The following EDNRB variants were observed in gnomAD, a reference collection of about 807,000 sequenced individuals.
EDNRB encodes the protein endothelin receptor type B.
EDNRB carries 18 observed loss-of-function variants against 46.4 expected under a neutral mutation model. The ratio of observed to expected loss-of-function variants is 0.39; its 90% CI spans 0.27 to 0.57. EDNRB has a LOEUF of 0.57. Among genes scored for constraint, EDNRB ranks in the 20% least tolerant of loss-of-function variants. The pLI, the probability that EDNRB is intolerant of heterozygous loss-of-function variation, is 0.61. For missense variants in EDNRB, 434 were observed against 537.5 expected (o/e 0.81, Z 1.90); for synonymous variants, 213 against 204.9 (o/e 1.04, Z -0.34).
intron 1 of EDNRB, among the ~76,000 whole-genome samples, chr13:77,970,544 C>T (rs1468271392): frequency 6.6e-6 from 1 of 151,912 alleles, no homozygotes; most frequent in Non-Finnish European, 1.5e-5. Flanking sequence ...AGTAGCAGGC[C>T]TATAATATTG....
At chr13:77,969,124 T>C (rs1263798378) in intron 1 of EDNRB, among the ~76,000 whole-genome samples, 2 of 152,332 alleles carry the variant, frequency 1.3e-5, no homozygotes, top group East Asian at 1.9e-4. Flanking sequence ...CTATTAGTTA[T>C]ATAGCAATAA....
intron 1 of EDNRB, among the ~76,000 whole-genome samples, chr13:77,906,040 G>C (rs1159970849): frequency 1.3e-5 from 2 of 151,968 alleles, no homozygotes; most frequent in Non-Finnish European, 2.9e-5. Flanking sequence ...ATGAGAACTA[G>C]TGGTGAGCTG....
At chr13:77,945,663 A>G (rs1222027034) in intron 1 of EDNRB, among the ~76,000 whole-genome samples, 2 of 152,122 alleles carry the variant, frequency 1.3e-5, no homozygotes, top group Non-Finnish European at 2.9e-5. Context: ...AATTGTACTT[A>G]CGGAAGGCTT....
At chr13:77,924,606 T>C (rs972812139), upstream of EDNRB, among the ~76,000 whole-genome samples, 26 of 152,256 alleles carry the variant, frequency 1.7e-4, no homozygotes, top group Middle Eastern at 3.2e-3. Flanking sequence ...TTGTGTTAAA[T>C]ACATCTATAT....
At chr13:77,974,017 C>T (rs527708890) in intron 1 of EDNRB, among the ~76,000 whole-genome samples, 3 of 151,530 alleles carry the variant, frequency 2.0e-5, no homozygotes, top group South Asian at 2.1e-4. Context: ...TGTCTAAGGC[C>T]GCAAGAATAG....
At chr13:77,974,045 G>A (rs1370772717) in intron 1 of EDNRB, among the ~76,000 whole-genome samples, 1 of 151,004 alleles carries the variant, frequency 6.6e-6, no homozygotes, top group Non-Finnish European at 1.5e-5. Context: ...TATAAAACAT[G>A]TTACACTGTT....
At chr13:77,898,776 A>G (rs1878773691) in intron 6 of EDNRB, among the ~76,000 whole-genome samples, 1 of 151,954 alleles carries the variant, frequency 6.6e-6, no homozygotes, top group Admixed American at 6.6e-5. Context: ...ATAACCTTGT[A>G]GATACTTTCA....
chr13:77,950,145 G>A (rs79858732), intron 1 of EDNRB, among the ~76,000 whole-genome samples: 141 of 152,246 alleles, frequency 9.3e-4, no homozygotes, highest in Non-Finnish European at 1.6e-3. Context: ...TAAACTATAC[G>A]TCAGAGTTAA....
At chr13:77,908,069 CAG>C (rs1196362122) in intron 1 of EDNRB, among the ~76,000 whole-genome samples, 4 of 139,552 alleles carry the variant, frequency 2.9e-5, no homozygotes, top group Admixed American at 2.2e-4. Flanking sequence ...TAACCTTTAT[CAG>C]CTTTCAGCAT....
Position 77,942,011 on chromosome 13 carries a change from A to T in EDNRB, c.-51-23387T>A, listed in dbSNP as rs118121837. 1.8e-4 allele frequency among the ~76,000 whole-genome samples: 27 copies of T among 152,280 alleles called. 1 individual carries two copies. Among genetic ancestry groups the T allele is most frequent in the African/African-American group, 6.3e-4 (26 of 41,570 alleles). The stretch of plus-strand genomic sequence containing the variant: ...CTGCAACCAGCTATGCTGACCTGCA[A>T]ATGTTCTGCCTGTCATGTGCTTACC... On this transcript the variant is annotated intron_variant, in intron 1 of 7. Coordinates refer to the EDNRB transcript ENST00000646948.
Position 77,897,196 on chromosome 13 carries a change from C to T in EDNRB, c.*1004G>A, listed in dbSNP as rs987066593. ...TATGAGGTCACTGGCATCTCTCCAT[C>T]GTAAAGCTATGAGCACAGGGCCTGC... On this transcript the variant is annotated 3_prime_UTR_variant, in exon 7 of 7. Coordinates refer to ENST00000646607, the MANE Select transcript of EDNRB (RefSeq NM_001122659.3). The T allele has an allele frequency of 1.1e-5, 11 of 985,352 alleles. No individual in the cohort carries two copies. Among genetic ancestry groups the T allele is most frequent in the African/African-American group, 5.2e-5 (3 of 57,350 alleles). The allele number at this position is 985,352 out of a possible 1,614,324, so 61.0% of individuals were successfully genotyped here. A position where few individuals can be genotyped will look rare whatever the true frequency, so the allele number is the denominator to read the frequency against.
At chr13:77,956,825 C>G (rs1881254926) in intron 1 of EDNRB, among the ~76,000 whole-genome samples, 2 of 152,314 alleles carry the variant, frequency 1.3e-5, no homozygotes, top group South Asian at 4.1e-4. Flanking sequence ...TGAAGCCTTT[C>G]CAAGCCACAT....
Position 77,896,468 on chromosome 13 carries a change from G to T in EDNRB, c.*1732C>A. The T allele has an allele frequency of 6.4e-7, 1 of 1,574,776 alleles. No homozygotes were observed. Among genetic ancestry groups the T allele is most frequent in the South Asian group, 1.2e-5 (1 of 86,004 alleles). On this transcript the variant is annotated 3_prime_UTR_variant, in exon 7 of 7. Coordinates refer to ENST00000646607, the MANE Select transcript of EDNRB (RefSeq NM_001122659.3). ...TAATTATTATTGCTCTTTCTTTCTG[G>T]CCACATTGTTGGGTTTTGGTTTACT...
At chr13:77,906,107 G>C (rs959725289) in intron 1 of EDNRB, among the ~76,000 whole-genome samples, 2 of 151,896 alleles carry the variant, frequency 1.3e-5, no homozygotes, top group Non-Finnish European at 2.9e-5. Flanking sequence ...ATATTTTAAG[G>C]GTAGAGGTAG....
chr13:77,934,693 C>T (rs1241561436), intron 1 of EDNRB, among the ~76,000 whole-genome samples: 2 of 147,876 alleles, frequency 1.4e-5, no homozygotes, highest in Non-Finnish European at 3.0e-5. Flanking sequence ...GGGGGGGGGC[C>T]TGAATAGTCC....
intron 1 of EDNRB, among the ~76,000 whole-genome samples, chr13:77,965,791 AG>A (rs1003529115): frequency 1.2e-4 from 19 of 152,188 alleles, no homozygotes; most frequent in African/African-American, 4.3e-4. Flanking sequence ...GATATTGAAA[AG>A]GGGTTCTTAA....
chr13:77,962,254 G>C (rs1881443041), intron 1 of EDNRB, among the ~76,000 whole-genome samples: 1 of 152,090 alleles, frequency 6.6e-6, no homozygotes, highest in Non-Finnish European at 1.5e-5. Flanking sequence ...AATAGAAAAA[G>C]ACGGAATCCC....
rs901648008 is a variant in EDNRB, at chr13:77,965,138, T to C, written c.-52+10209A>G. On this transcript the variant is annotated intron_variant, in intron 1 of 7. Coordinates refer to the EDNRB transcript ENST00000646948. ...CACGTGTTCACATTTACAGAAAGGTTTGCATATATATATTTTTAAAGTCCT... is the reference window on the plus strand; with the variant it reads ...CACGTGTTCACATTTACAGAAAGGTCTGCATATATATATTTTTAAAGTCCT... Among the ~76,000 whole-genome samples, 169 of 152,310 alleles carry C rather than the reference T, an allele frequency of 1.1e-3. 2 individuals carry two copies. Among genetic ancestry groups the C allele is most frequent in the African/African-American group, 3.8e-3 (156 of 41,584 alleles).
In EDNRB at chr13:77,903,491, C is replaced by A. The variant is rs1220585928; in HGVS notation, c.596+4G>T. 15 of 1,612,400 alleles carry A rather than the reference C, an allele frequency of 9.3e-6. No individual in the cohort carries two copies. In the Admixed American group the frequency reaches 2.5e-4, roughly 27 times the overall value. ...ATATACTTGGATTAAATAGAAGCTT[C>A]TACCTGTCAATACTCAGAGCACATA... On this transcript the variant is annotated splice_donor_region_variant and intron_variant, in intron 2 of 6. Transcript: ENST00000646607.
Sources: allele counts gnomAD v4.1 joint callset (sites outside exome capture counted in the v4.1 genomes callset), GRCh38; gene constraint gnomAD v4.1.1; transcripts MANE v1.5; gene names NCBI Gene and HGNC (gene_info 2026-07-23, HGNC 2026-07-21).